C2orf76: variants seen among roughly 807,000 people sequenced by gnomAD.
C2orf76 encodes UPF0538 protein C2orf76.
Under a neutral mutation model 16.9 loss-of-function variants are expected in C2orf76, and 23 were observed. That is an observed-to-expected ratio of 1.36 (90% CI 0.98 to 1.93). C2orf76 has a LOEUF of 1.93. Among genes scored for constraint, C2orf76 ranks in the 30% most tolerant of loss-of-function variants. The pLI is 0.00. For missense variants in C2orf76, 152 were observed against 152.6 expected, an observed-to-expected ratio of 1.00 and a Z score of 0.02; for synonymous variants, 48 against 52.3, an observed-to-expected ratio of 0.92 and a Z score of 0.35.
At chr2:119,345,918 G>T (rs980411779) in intron 1 of C2orf76, among the ~76,000 whole-genome samples, 7 of 151,796 alleles carry the variant, frequency 4.6e-5, no homozygotes, top group Non-Finnish European at 1.0e-4. Context: ...AAAATTAGCC[G>T]GGCATGGTGG....
chr2:119,363,239 A>G (rs946513597), intron 1 of C2orf76, among the ~76,000 whole-genome samples: 2 of 152,058 alleles, frequency 1.3e-5, no homozygotes, highest in Admixed American at 1.3e-4. Flanking sequence ...CCTGGCTAAC[A>G]CAGTGAAACC....
chr2:119,365,149 C>T (rs937066529), intron 1 of C2orf76, among the ~76,000 whole-genome samples: 32 of 152,150 alleles, frequency 2.1e-4, no homozygotes, highest in Non-Finnish European at 3.7e-4. Flanking sequence ...GAAGTGATAA[C>T]TGCATTCTCA....
At chr2:119,288,259 C>A in the C2orf76 span, among the ~76,000 whole-genome samples, 1 of 151,626 alleles carries the variant, frequency 6.6e-6, no homozygotes, top group East Asian at 2.0e-4. Flanking sequence ...CGGGTTCCCG[C>A]CATTCTCCTG....
At chr2:119,299,107 G>A (rs1050501228), downstream of C2orf76, among the ~76,000 whole-genome samples, 7 of 151,768 alleles carry the variant, frequency 4.6e-5, no homozygotes, top group East Asian at 1.4e-3. Flanking sequence ...TTGTAGAGAC[G>A]GGGTTTCATC....
At chr2:119,334,170 C>A (rs887832098) in intron 2 of C2orf76, among the ~76,000 whole-genome samples, 1 of 151,954 alleles carries the variant, frequency 6.6e-6, no homozygotes, top group Non-Finnish European at 1.5e-5. Context: ...CAGTGACATT[C>A]TGGAAAAGAT....
At chr2:119,348,534 A>G (rs1247206255) in intron 1 of C2orf76, among the ~76,000 whole-genome samples, 1 of 152,136 alleles carries the variant, frequency 6.6e-6, no homozygotes, top group African/African-American at 2.4e-5. Context: ...TAAAAGTACA[A>G]AATTAGCCAG....
the C2orf76 span, among the ~76,000 whole-genome samples, chr2:119,289,135 G>C: frequency 6.6e-6 from 1 of 152,016 alleles, no homozygotes; most frequent in Admixed American, 6.6e-5. Context: ...TGGAGCCCGA[G>C]GAAGGCCAGT....
At chr2:119,343,631 TTAAAAAGCTG>T (rs1680105841) in intron 1 of C2orf76, among the ~76,000 whole-genome samples, 1 of 152,058 alleles carries the variant, frequency 6.6e-6, no homozygotes, top group Non-Finnish European at 1.5e-5. Flanking sequence ...TAAGAATTCC[TTAAAAAGCTG>T]TTCCATGTTA....
intron 5 of C2orf76, among the ~76,000 whole-genome samples, chr2:119,304,224 C>T (rs981712998): frequency 6.6e-6 from 1 of 152,212 alleles, no homozygotes; most frequent in Non-Finnish European, 1.5e-5. Flanking sequence ...GCAAAAGACA[C>T]CCTGTTCTTA....
chr2:119,302,944 A>T (rs1257161956), intron 5 of C2orf76, among the ~76,000 whole-genome samples: 3 of 132,068 alleles, frequency 2.3e-5, no homozygotes, highest in Non-Finnish European at 5.3e-5. Flanking sequence ...GGGGAGGGAA[A>T]ACTCTTTTCC....
intron 5 of C2orf76, among the ~76,000 whole-genome samples, chr2:119,307,260 T>G (rs7590256): frequency 0.35 from 52,429 of 151,440 alleles, 11,446 homozygotes; most frequent in African/African-American, 0.63. Context: ...GCCAACGTGG[T>G]GAAACCCCGT....
At chr2:119,290,600 C>G in the C2orf76 span, among the ~76,000 whole-genome samples, 25 of 152,066 alleles carry the variant, frequency 1.6e-4, 1 homozygote, top group Admixed American at 7.2e-4. Context: ...GAGGCGAAGG[C>G]GGGTGGATCA....
intron 1 of C2orf76, among the ~76,000 whole-genome samples, chr2:119,344,803 T>A (rs1383100017): frequency 6.6e-6 from 1 of 152,100 alleles, no homozygotes; most frequent in Non-Finnish European, 1.5e-5. Flanking sequence ...TAATATAAAA[T>A]CGGATACTGG....
At position 119,335,827 on chromosome 2, in the gene C2orf76, T is replaced by C. The variant is rs114580455; in HGVS notation, c.133+4000A>G. ...CTGTGACCTTCCTCTCAAAAATCCA[T>C]AAGCCCAGTCTAACCATGAGAAAAA... On this transcript the variant is annotated intron_variant, in intron 2 of 5. Transcript: ENST00000334816. 4.0e-3 allele frequency among the ~76,000 whole-genome samples: 615 copies of C among 152,274 alleles called. 7 individuals are homozygous for C. The highest frequency in any genetic ancestry group is 0.014 in the Middle Eastern group (4 of 294).
Position 119,343,475 on chromosome 2 carries a change from TACACACACAC to T in C2orf76, c.-12-3514_-12-3505del, listed in dbSNP as rs59651595. Reference sequence around the variant, plus strand: ...ACACGCATATGCACACACCTATACCTACACACACACACACACACACACACACACACACACA... The same window carrying T: ...ACACGCATATGCACACACCTATACCTACACACACACACACACACACACACA... On this transcript the variant is annotated intron_variant, in intron 1 of 5. Coordinates refer to ENST00000334816, the MANE Select transcript of C2orf76 (RefSeq NM_001322331.2). Among the ~76,000 whole-genome samples, 1,054 of 146,038 alleles carry T rather than the reference TACACACACAC, an allele frequency of 7.2e-3. 9 individuals are homozygous for T. The highest frequency in any genetic ancestry group is 0.02 in the African/African-American group (788 of 39,700).
At chr2:119,303,623 A>C (rs541936669) in intron 5 of C2orf76, among the ~76,000 whole-genome samples, 13 of 152,328 alleles carry the variant, frequency 8.5e-5, no homozygotes, top group Admixed American at 1.3e-4. Context: ...TCATCATTAG[A>C]CTTTATCACA....
chr2:119,300,052 G>A (rs1383255802), downstream of C2orf76, among the ~76,000 whole-genome samples: 2 of 152,082 alleles, frequency 1.3e-5, no homozygotes, highest in African/African-American at 4.8e-5. Context: ...GGATGGAATG[G>A]GGGAAGTCAG....
At chr2:119,353,711 C>G (rs7598408) in intron 1 of C2orf76, among the ~76,000 whole-genome samples, 8 of 151,802 alleles carry the variant, frequency 5.3e-5, no homozygotes, top group African/African-American at 1.9e-4. Flanking sequence ...TACGGGCACA[C>G]GCTGCCACGC....
chr2:119,348,681 T>C (rs1413493315), intron 1 of C2orf76, among the ~76,000 whole-genome samples: 1 of 150,204 alleles, frequency 6.7e-6, no homozygotes, highest in East Asian at 2.0e-4. Context: ...AGTGGAACTC[T>C]GTCTTAAAAA....
Sources: gnomAD v4.1 joint callset for allele counts (sites outside exome capture counted in the v4.1 genomes callset) on GRCh38, gnomAD v4.1.1 for gene constraint, MANE v1.5 for transcripts, NCBI Gene and HGNC (gene_info 2026-07-23, HGNC 2026-07-21) for gene names.